The following ROR1 variants were observed in gnomAD, a reference collection of about 807,000 sequenced individuals.
ROR1 encodes inactive tyrosine-protein kinase transmembrane receptor ROR1.
Under a neutral mutation model 78.8 loss-of-function variants are expected in ROR1, and 19 were observed. The observed-to-expected ratio is 0.24, with a 90% CI of 0.17 to 0.35. The LOEUF is 0.35. Ranked by LOEUF, ROR1 falls within the 10% of genes least tolerant of loss-of-function variation. The pLI is 1.00. For missense variants in ROR1, 917 were observed against 1,177.8 expected, an observed-to-expected ratio of 0.78 and a Z score of 3.24; for synonymous variants, 386 against 433.6, an observed-to-expected ratio of 0.89 and a Z score of 1.36.
chr1:64,119,010 T>C (rs933428688), intron 4 of ROR1, among the ~76,000 whole-genome samples: 1 of 152,186 alleles, frequency 6.6e-6, no homozygotes, highest in Admixed American at 6.5e-5. Context: ...ACAGGTCATC[T>C]CTGGCTGGCG....
intron 1 of ROR1, among the ~76,000 whole-genome samples, chr1:63,803,241 C>T (rs773499088): frequency 6.6e-5 from 10 of 151,940 alleles, no homozygotes; most frequent in Non-Finnish European, 1.5e-4. Context: ...TTCGGTGGCT[C>T]CTAATAATGA....
intron 1 of ROR1, among the ~76,000 whole-genome samples, chr1:63,852,093 C>T (rs1645117804): frequency 6.6e-6 from 1 of 152,194 alleles, no homozygotes; most frequent in Non-Finnish European, 1.5e-5. Context: ...ATCATAATGC[C>T]TACAATATAT....
intron 1 of ROR1, among the ~76,000 whole-genome samples, chr1:63,948,203 G>T (rs1347309658): frequency 2.0e-5 from 3 of 152,008 alleles, no homozygotes; most frequent in Admixed American, 6.6e-5. Flanking sequence ...ACAATGAAAA[G>T]AAATTATCTT....
At chr1:63,982,224 T>C (rs1273246178) in intron 1 of ROR1, among the ~76,000 whole-genome samples, 1 of 152,114 alleles carries the variant, frequency 6.6e-6, no homozygotes, top group Non-Finnish European at 1.5e-5. Flanking sequence ...AATGCTATTT[T>C]GTGTTCCTTC....
chr1:63,896,751 C>G (rs562047562), intron 1 of ROR1, among the ~76,000 whole-genome samples: 70 of 152,128 alleles, frequency 4.6e-4, no homozygotes, highest in African/African-American at 1.6e-3. Context: ...CACATCTAAC[C>G]CTTGATTTGG....
At chr1:63,795,335 G>A (rs1644753962) in intron 1 of ROR1, among the ~76,000 whole-genome samples, 1 of 152,222 alleles carries the variant, frequency 6.6e-6, no homozygotes, top group East Asian at 1.9e-4. Flanking sequence ...CAAATCCAAA[G>A]TATTTGCATT....
chr1:63,877,664 C>T (rs781086502), intron 1 of ROR1, among the ~76,000 whole-genome samples: 4 of 151,658 alleles, frequency 2.6e-5, no homozygotes, highest in South Asian at 2.1e-4. Flanking sequence ...TACAGCAGGC[C>T]GGAGGAGATC....
chr1:63,863,916 A>T (rs1006091275), intron 1 of ROR1, among the ~76,000 whole-genome samples: 5 of 152,154 alleles, frequency 3.3e-5, no homozygotes, highest in African/African-American at 4.8e-5. Context: ...GCTAGCATTA[A>T]CTACTATTCT....
Position 63,855,688 on chromosome 1 carries a change from T to C in ROR1, c.91+81180T>C, listed in dbSNP as rs1330363129. ...TTTTTGAGACGTAGTCTTGCTCTGT[T>C]GTCAGGCTGGAGTGCAGTGGTATGA... On this transcript the variant is annotated intron_variant, in intron 1 of 8. Transcript: ENST00000371079. Among the ~76,000 whole-genome samples the C allele has an allele frequency of 2.0e-5, 3 of 151,956 alleles. No individual in the cohort carries two copies. In the East Asian group the frequency reaches 5.8e-4, roughly 29 times the overall value.
chr1:64,078,618 G>A lies in ROR1; in HGVS notation c.482+27902G>A, dbSNP rs139529224. Among the ~76,000 whole-genome samples the A allele has an allele frequency of 3.0e-3, 455 of 152,226 alleles. 6 individuals carry two copies. Among genetic ancestry groups the A allele is most frequent in the African/African-American group, 0.01 (417 of 41,524 alleles). On this transcript the variant is annotated intron_variant, in intron 4 of 8. Transcript: ENST00000371079. ...ATGAGAGGGAGAAACTAAAAATGCCGGACAGAGAGTGACTAGTGGAGACAG... is the reference window on the plus strand; with the variant it reads ...ATGAGAGGGAGAAACTAAAAATGCCAGACAGAGAGTGACTAGTGGAGACAG...
At chr1:64,158,478 C>T (rs552385158) in intron 7 of ROR1, among the ~76,000 whole-genome samples, 22 of 152,152 alleles carry the variant, frequency 1.4e-4, no homozygotes, top group African/African-American at 5.3e-4. Flanking sequence ...GACCAGGATT[C>T]CTTAGTAATG....
intron 2 of ROR1, among the ~76,000 whole-genome samples, chr1:64,041,154 C>T (rs991667299): frequency 5.9e-5 from 9 of 152,132 alleles, no homozygotes; most frequent in African/African-American, 2.2e-4. Flanking sequence ...CTCTATAAAC[C>T]TTGGTATCTT....
chr1:64,176,438 T>G (rs116456904), intron 8 of ROR1, among the ~76,000 whole-genome samples: 348 of 152,342 alleles, frequency 2.3e-3, no homozygotes, highest in Non-Finnish European at 3.4e-3. Context: ...ATTAAAAGTT[T>G]GCAATAACAT....
intron 1 of ROR1, among the ~76,000 whole-genome samples, chr1:63,796,673 C>T (rs987698350): frequency 2.0e-5 from 3 of 152,174 alleles, no homozygotes; most frequent in East Asian, 1.9e-4. Context: ...CACAAGCAGT[C>T]GTACATTCAG....
chr1:64,041,201 C>G (rs924855736), intron 2 of ROR1, among the ~76,000 whole-genome samples: 2 of 152,232 alleles, frequency 1.3e-5, no homozygotes, highest in Non-Finnish European at 2.9e-5. Flanking sequence ...TGTATATATA[C>G]AGGGTTCTGG....
At chr1:63,916,566 G>T (rs143737602) in intron 1 of ROR1, among the ~76,000 whole-genome samples, 44 of 152,348 alleles carry the variant, frequency 2.9e-4, no homozygotes, top group African/African-American at 1.1e-3. Flanking sequence ...ATAAAATAGA[G>T]TTTTGAACAT....
chr1:63,900,292 A>G (rs186129543), intron 1 of ROR1, among the ~76,000 whole-genome samples: 3 of 152,184 alleles, frequency 2.0e-5, no homozygotes, highest in Admixed American at 2.0e-4. Context: ...TGTCTCTACT[A>G]AAAATACAAA....
intron 4 of ROR1, among the ~76,000 whole-genome samples, chr1:64,126,693 G>A (rs1648724266): frequency 6.6e-6 from 1 of 152,156 alleles, no homozygotes; most frequent in Admixed American, 6.5e-5. Context: ...CTCATTTCCA[G>A]TCCGGTGACT....
At chr1:63,832,302 T>G (rs191010000) in intron 1 of ROR1, among the ~76,000 whole-genome samples, 1 of 152,220 alleles carries the variant, frequency 6.6e-6, no homozygotes, top group East Asian at 1.9e-4. Flanking sequence ...CCCACTTCTA[T>G]CAGGACCAAT....
Sources: allele counts gnomAD v4.1 joint callset (sites outside exome capture counted in the v4.1 genomes callset), GRCh38; gene constraint gnomAD v4.1.1; transcripts MANE v1.5; gene names NCBI Gene and HGNC (gene_info 2026-07-23, HGNC 2026-07-21).